Variants in KAZN observed in about 807,000 individuals in gnomAD.
KAZN encodes the protein kazrin.
KAZN carries 40 observed loss-of-function variants against 87.4 expected under a neutral mutation model. The observed-to-expected ratio is 0.46, with a 90% CI of 0.36 to 0.60. KAZN has a LOEUF of 0.60. Ranked by LOEUF, KAZN falls within the 20% of genes least tolerant of loss-of-function variation. KAZN has a pLI of 0.00. For missense variants in KAZN, 898 were observed against 1,073.9 expected (o/e 0.84, Z 2.29); for synonymous variants, 466 against 458.3 (o/e 1.02, Z -0.22).
chr1:15,029,560 G>T (rs1671480103), intron 2 of KAZN, among the ~76,000 whole-genome samples: 1 of 152,282 alleles, frequency 6.6e-6, no homozygotes, highest in Admixed American at 6.5e-5. Context: ...GGATGGAGCA[G>T]CAGGGAGACC....
At chr1:14,385,080 C>T (rs1661746418) in intron 2 of KAZN, among the ~76,000 whole-genome samples, 1 of 151,776 alleles carries the variant, frequency 6.6e-6, no homozygotes, top group African/African-American at 2.4e-5. Context: ...TCCATTTCTT[C>T]TAGATTTTCT....
At chr1:15,004,677 G>C (rs1236249525) in intron 2 of KAZN, among the ~76,000 whole-genome samples, 1 of 152,248 alleles carries the variant, frequency 6.6e-6, no homozygotes, top group African/African-American at 2.4e-5. Context: ...GTGAAACCAA[G>C]TCTGGGGTCA....
intron 2 of KAZN, among the ~76,000 whole-genome samples, chr1:14,279,885 G>A (rs1299088474): frequency 6.6e-6 from 1 of 152,070 alleles, no homozygotes; most frequent in African/African-American, 2.4e-5. Flanking sequence ...AAGTACAGGG[G>A]CCCACTAGTC....
In KAZN at chr1:15,060,472, G is replaced by A. The variant is rs1638700236; in HGVS notation, c.1047+170G>A. On this transcript the variant is annotated intron_variant, in intron 6 of 14. Transcript: ENST00000376030. ...TCCTTTTGCAAGAAGCGATGGATGT[G>A]GGGAGAAAAAGGAATGAGGCCCGTT... 4 of 922,358 alleles carry A rather than the reference G, an allele frequency of 4.3e-6. No individual in the cohort carries two copies. The South Asian group carries it at 6.7e-5, about 15-fold the overall frequency. The allele number at this position is 922,358 out of a possible 1,614,324, so 57.1% of individuals were successfully genotyped here.
At chr1:14,251,914 G>A (rs1028367581) in intron 2 of KAZN, among the ~76,000 whole-genome samples, 1 of 152,036 alleles carries the variant, frequency 6.6e-6, no homozygotes, top group African/African-American at 2.4e-5. Context: ...CTCCCAAAGT[G>A]CTGGGATTAC....
At chr1:15,022,818 C>T (rs1397563512) in intron 2 of KAZN, among the ~76,000 whole-genome samples, 1 of 152,146 alleles carries the variant, frequency 6.6e-6, no homozygotes, top group Non-Finnish European at 1.5e-5. Context: ...ACTCATGATC[C>T]CTGGTAGGCT....
chr1:14,631,497 AGTG>A (rs1337621632), intron 1 of KAZN, among the ~76,000 whole-genome samples: 1 of 152,170 alleles, frequency 6.6e-6, no homozygotes, highest in Non-Finnish European at 1.5e-5. Context: ...ACTGCTGGTG[AGTG>A]GTGGTGTAGA....
At chr1:14,302,259 G>A (rs975013638) in intron 2 of KAZN, among the ~76,000 whole-genome samples, 1 of 152,234 alleles carries the variant, frequency 6.6e-6, no homozygotes, top group African/African-American at 2.4e-5. Context: ...AAGAGTTGGA[G>A]AGAACAGACA....
intron 2 of KAZN, among the ~76,000 whole-genome samples, chr1:14,215,706 A>G (rs1460787456): frequency 6.6e-6 from 1 of 152,162 alleles, no homozygotes; most frequent in Non-Finnish European, 1.5e-5. Context: ...AAGCCTACAG[A>G]AAAGCTTATT....
At chr1:14,040,064 CGTGTGTGTGT>C (rs1408019256) in intron 1 of KAZN, among the ~76,000 whole-genome samples, 1 of 148,964 alleles carries the variant, frequency 6.7e-6, no homozygotes, top group East Asian at 2.0e-4. Context: ...TGTGTGTGCA[CGTGTGTGTGT>C]GTGCACGTGT....
Position 14,927,219 on chromosome 1 carries a change from G to A in KAZN, c.227-33465G>A, listed in dbSNP as rs141572688. Reference sequence around the variant, plus strand: ...CAGAGTGAACCAGGTGCTCACTGGAGGTTCTTAAACTGGGAACAGGAATCC... The same window carrying A: ...CAGAGTGAACCAGGTGCTCACTGGAAGTTCTTAAACTGGGAACAGGAATCC... On this transcript the variant is annotated intron_variant, in intron 1 of 14. Coordinates refer to ENST00000376030, the MANE Select transcript of KAZN (RefSeq NM_201628.3). Among the ~76,000 whole-genome samples, 705 of 152,288 alleles carry A rather than the reference G, an allele frequency of 4.6e-3. 7 individuals carry two copies. Among genetic ancestry groups the A allele is most frequent in the African/African-American group, 0.016 (676 of 41,542 alleles).
At chr1:14,999,083 G>A (rs1217789467) in intron 2 of KAZN, among the ~76,000 whole-genome samples, 1 of 152,194 alleles carries the variant, frequency 6.6e-6, no homozygotes, top group Non-Finnish European at 1.5e-5. Context: ...CTACTTAGGA[G>A]GCCGAGGCAG....
chr1:14,725,478 C>G (rs1000180425), intron 1 of KAZN, among the ~76,000 whole-genome samples: 2 of 138,682 alleles, frequency 1.4e-5, no homozygotes, highest in African/African-American at 2.7e-5. Context: ...TTTTTTCTTT[C>G]TTTCTCCTTT....
Position 15,114,776 on chromosome 1 carries a change from C to G in KAZN, c.*141C>G. ...CTCCTGGGCAAAATCCCGATGGACTCTGCGGTTTCAGCTCCACAGCGCCCA... is the reference window on the plus strand; with the variant it reads ...CTCCTGGGCAAAATCCCGATGGACTGTGCGGTTTCAGCTCCACAGCGCCCA... On this transcript the variant is annotated 3_prime_UTR_variant, in exon 15 of 15. Coordinates refer to ENST00000376030, the MANE Select transcript of KAZN (RefSeq NM_201628.3). The G allele has an allele frequency of 1.2e-6, 1 of 820,834 alleles. No homozygotes were observed. The highest frequency in any genetic ancestry group is 1.9e-6 in the Non-Finnish European group (1 of 534,224). The allele number at this position is 820,834 out of a possible 1,614,324, so 50.8% of individuals were successfully genotyped here. A position where few individuals can be genotyped will look rare whatever the true frequency, so the allele number is the denominator to read the frequency against.
chr1:15,088,031 A>T (rs1258494719), intron 8 of KAZN, among the ~76,000 whole-genome samples: 2 of 152,220 alleles, frequency 1.3e-5, no homozygotes, highest in African/African-American at 4.8e-5. Context: ...GGGCTCCCAT[A>T]TTCCAGTGCC....
At chr1:14,088,874 A>T (rs1304320854) in intron 1 of KAZN, among the ~76,000 whole-genome samples, 5 of 150,954 alleles carry the variant, frequency 3.3e-5, no homozygotes, top group African/African-American at 4.9e-5. Flanking sequence ...CCTTTTTATC[A>T]TTATGAAATG....
Position 14,467,674 on chromosome 1 carries a change from C to CAAAA in KAZN, c.250-131291_250-131288dup, listed in dbSNP as rs36034022. On this transcript the variant is annotated intron_variant, in intron 2 of 16. Transcript: ENST00000636203. ...ATGCCTGATTCATGTATCCAAAAGG[C>CAAAA]AAAAAAAAAAAAAAAAAAAAAGTAG... Among the ~76,000 whole-genome samples the CAAAA allele has an allele frequency of 1.7e-3, 134 of 77,308 alleles. 4 individuals carry two copies. Among genetic ancestry groups the CAAAA allele is most frequent in the African/African-American group, 6.0e-3 (119 of 19,740 alleles). 50.7% of individuals were successfully genotyped at this position (77,308 alleles called of 152,430 possible). A position where few individuals can be genotyped will look rare whatever the true frequency, so the allele number is the denominator to read the frequency against.
chr1:14,599,121 G>A lies in KAZN; in HGVS notation c.124G>A (p.Gly42Ser). The A allele has an allele frequency of 6.6e-7, 1 of 1,524,416 alleles. No homozygotes were observed. The highest frequency in any genetic ancestry group is 8.8e-7 in the Non-Finnish European group (1 of 1,139,244). 94.4% of individuals were successfully genotyped at this position (1,524,416 alleles called of 1,614,324 possible). ...ATNRRLAELS[G>S]GGGPGPGPGA... ...CAACCGGAGACTGGCGGAACTGAGC[G>A]GCGGCGGCGGCCCCGGCCCGGGCCC... Residue 42 changes from glycine to serine, a missense_variant, in exon 1 of 15, where the codon GGC becomes AGC. This residue lies in a region of KAZN where 250 missense variants were observed against 263.0 expected (regional missense o/e 0.95). Coordinates refer to ENST00000376030, the MANE Select transcript of KAZN (RefSeq NM_201628.3). This position sits in a 1 kb window ranked among gnomAD's most constrained non-coding sequence, Gnocchi z 4.4.
chr1:15,066,880 G>C lies in KAZN; in HGVS notation c.1222+1127G>C. 2.0e-6 allele frequency: 2 copies of C among 985,438 alleles called. No homozygotes were observed. The highest frequency in any genetic ancestry group is 2.4e-6 in the Non-Finnish European group (2 of 829,970). The allele number at this position is 985,438 out of a possible 1,614,324, so 61.0% of individuals were successfully genotyped here. On this transcript the variant is annotated intron_variant, in intron 8 of 14. Coordinates refer to ENST00000376030, the MANE Select transcript of KAZN (RefSeq NM_201628.3). The surrounding 1 kb of genome is among the most constrained non-coding windows in gnomAD (Gnocchi z 4.3). Reference sequence around the variant, plus strand: ...GGATCCTCCACCTTCTTCCCACCCAGAGCTCCCTCCAGGCCTTTCTCTATA... The same window carrying C: ...GGATCCTCCACCTTCTTCCCACCCACAGCTCCCTCCAGGCCTTTCTCTATA...
Sources: gnomAD v4.1 joint callset for allele counts (sites outside exome capture counted in the v4.1 genomes callset) on GRCh38, gnomAD v4.1.1 for gene constraint, gnomAD v4.1.1 regional missense constraint, Gnocchi (gnomAD v3.1) non-coding constraint, MANE v1.5 for transcripts, NCBI Gene and HGNC (gene_info 2026-07-23, HGNC 2026-07-21) for gene names.